SNW1: variants seen among roughly 807,000 people sequenced by gnomAD.
SNW1 encodes the protein SNW domain-containing protein 1.
SNW1 carries 9 observed loss-of-function variants against 75.6 expected under a neutral mutation model. The ratio of observed to expected loss-of-function variants is 0.12; its 90% CI spans 0.07 to 0.21. The LOEUF (loss-of-function observed/expected upper bound fraction) is 0.21. SNW1 is among the 10% of genes least tolerant of loss of function. The pLI is 1.00. For synonymous variants in SNW1, 200 were observed against 219.1 expected, an observed-to-expected ratio of 0.91 and a Z score of 0.77; for missense variants, 409 against 670.9, an observed-to-expected ratio of 0.61 and a Z score of 4.31.
At chr14:77,758,128 G>A (rs990524278) in intron 1 of SNW1, among the ~76,000 whole-genome samples, 5 of 151,866 alleles carry the variant, frequency 3.3e-5, no homozygotes, top group East Asian at 3.9e-4. Flanking sequence ...CCAGGAGTTC[G>A]AGACCAGCCA....
At chr14:77,731,904 G>A (rs2080630269) in intron 9 of SNW1, among the ~76,000 whole-genome samples, 1 of 152,048 alleles carries the variant, frequency 6.6e-6, no homozygotes, top group Non-Finnish European at 1.5e-5. Context: ...TCCAGCTAAT[G>A]TTTGTATTTT....
At chr14:77,753,995 C>T (rs928186971) in intron 2 of SNW1, among the ~76,000 whole-genome samples, 3 of 151,612 alleles carry the variant, frequency 2.0e-5, no homozygotes, top group African/African-American at 4.8e-5. Context: ...TGTAAAGGAT[C>T]CTGAGTAATT....
At chr14:77,731,422 T>C (rs532919562) in intron 9 of SNW1, among the ~76,000 whole-genome samples, 1 of 152,298 alleles carries the variant, frequency 6.6e-6, no homozygotes, top group African/African-American at 2.4e-5. Context: ...AAGAACAAAA[T>C]TAAAGCCAGG....
At chr14:77,742,256 G>A (rs1324120857) in intron 3 of SNW1, among the ~76,000 whole-genome samples, 1 of 151,838 alleles carries the variant, frequency 6.6e-6, no homozygotes, top group Non-Finnish European at 1.5e-5. Flanking sequence ...GGCTGGTCTC[G>A]ATCTCCTGAC....
At chr14:77,754,595 A>T (rs1244433275) in intron 2 of SNW1, among the ~76,000 whole-genome samples, 2 of 152,188 alleles carry the variant, frequency 1.3e-5, no homozygotes, top group Admixed American at 1.3e-4. Context: ...ATGTGGTATT[A>T]TCGGAGGGGA....
intron 11 of SNW1, among the ~76,000 whole-genome samples, chr14:77,721,984 G>A (rs2080544855): frequency 6.6e-6 from 1 of 152,186 alleles, no homozygotes; most frequent in Admixed American, 6.6e-5. Context: ...CTGACCTCAA[G>A]TGATTCGCGT....
intron 12 of SNW1, 27 bp downstream of exon 12, chr14:77,720,684 C>T (rs1411671536): frequency 2.1e-6 from 3 of 1,414,192 alleles, no homozygotes; most frequent in Non-Finnish European, 3.0e-6. Flanking sequence ...CATCAACACA[C>T]ACAATATGCT....
rs577178138 is a variant in SNW1, at chr14:77,736,740, T to G, written c.638+231A>C. ...ATCCCCAAAAGTTTCTGCTTGCCCC[T>G]TGCCTATTCCTCTTGTCCCTCCCAT... On this transcript the variant is annotated intron_variant, in intron 6 of 13. Coordinates refer to ENST00000261531, the MANE Select transcript of SNW1 (RefSeq NM_012245.3). Among the ~76,000 whole-genome samples the G allele has an allele frequency of 1.3e-4, 20 of 152,208 alleles. No homozygotes were observed. In the South Asian group the frequency reaches 3.9e-3, roughly 30 times the overall value.
At chr14:77,735,081 T>G in intron 7 of SNW1, 69 bp from the exon 8 acceptor site, 8 of 1,176,990 alleles carry the variant, frequency 6.8e-6, no homozygotes, top group Non-Finnish European at 1.0e-5. Context: ...AGTATAATCT[T>G]TATCTTCAAA....
chr14:77,733,509 C>T (rs1239278684), intron 8 of SNW1, among the ~76,000 whole-genome samples: 1 of 151,902 alleles, frequency 6.6e-6, no homozygotes, highest in Non-Finnish European at 1.5e-5. Flanking sequence ...CTTTGGGAGG[C>T]CAAGGCAGGT....
At chr14:77,732,717 G>A (rs1453669510) in intron 8 of SNW1, 116 bp from the exon 9 acceptor site, 13 of 656,352 alleles carry the variant, frequency 2.0e-5, no homozygotes, top group Non-Finnish European at 3.5e-5. Context: ...CTGGCTGGAG[G>A]GCAGGGGTGC....
Position 77,732,542 on chromosome 14 carries a change from T to C in SNW1, c.834A>G (p.Val278=), listed in dbSNP as rs1395913390. 7 of 1,613,512 alleles carry C rather than the reference T, an allele frequency of 4.3e-6. No homozygotes were observed. Among genetic ancestry groups the C allele is most frequent in the Non-Finnish European group, 5.9e-6 (7 of 1,179,618 alleles). Residue 278 remains valine (V), a synonymous_variant, in exon 9 of 14, where the codon GTA becomes GTG. Transcript: ENST00000261531. ...ATTTGGCGAAATTTTCATTTATGTGTACTGTCTGTAGTCCTCTTCCATCAG... is the reference window on the plus strand; with the variant it reads ...ATTTGGCGAAATTTTCATTTATGTGCACTGTCTGTAGTCCTCTTCCATCAG... The part of the protein sequence containing the change: ...LAADGRGLQT[V]HINENFAKLA...
intron 10 of SNW1, among the ~76,000 whole-genome samples, chr14:77,728,070 A>G (rs1190044925): frequency 6.9e-6 from 1 of 145,390 alleles, no homozygotes; most frequent in Non-Finnish European, 1.5e-5. Context: ...AAAAAAAATT[A>G]GTGTAGAATC....
intron 2 of SNW1, among the ~76,000 whole-genome samples, chr14:77,753,192 G>A (rs1426256305): frequency 6.6e-6 from 1 of 152,140 alleles, no homozygotes; most frequent in Admixed American, 6.5e-5. Context: ...AAGTTGTTCT[G>A]TTTCACCAGG....
chr14:77,755,068 T>C lies in SNW1; in HGVS notation c.67A>G (p.Lys23Glu), dbSNP rs765440529. 6.2e-7 allele frequency: 1 copy of C among 1,612,988 alleles called. No individual in the cohort carries two copies. The stretch of plus-strand genomic sequence containing the variant: ...TGCCGTGATCTCTGGGATCTTGCCT[T>C]TTCTTCAGCCTCAAGCTGGTCCTGA... ...LSQDQLEAEE[K>E]ARSQRSRQTS... The change falls in exon 2 of 14, where the codon AAG becomes GAG. Residue 23 changes from lysine (K) to glutamate (E), a missense_variant. Lys to Glu is a moderately conservative substitution (Grantham distance 56). Around this residue, in one of 9 missense-constraint regions of SNW1, gnomAD observed 73 missense variants for 68.3 expected, o/e 1.07. Coordinates refer to ENST00000261531, the MANE Select transcript of SNW1 (RefSeq NM_012245.3).
chr14:77,757,913 T>A (rs1361517585), intron 1 of SNW1, among the ~76,000 whole-genome samples: 1 of 144,350 alleles, frequency 6.9e-6, no homozygotes, highest in African/African-American at 2.6e-5. Context: ...ATCAAATCAA[T>A]CTAATCATCT....
In SNW1 at chr14:77,733,737, C is replaced by T. The variant is rs1310472965; in HGVS notation, c.775-1136G>A. 1.1e-4 allele frequency among the ~76,000 whole-genome samples: 8 copies of T among 69,810 alleles called. No homozygotes were observed. In the East Asian group the frequency reaches 1.2e-3, roughly 11 times the overall value. The allele number at this position is 69,810 out of a possible 152,430, so 45.8% of individuals were successfully genotyped here. A position where few individuals can be genotyped will look rare whatever the true frequency, so the allele number is the denominator to read the frequency against. On this transcript the variant is annotated intron_variant, in intron 8 of 13. Transcript: ENST00000261531. ...TCCAGCCTGGGCAACAGAGCGAGAC[C>T]GTCTCAAAAAAAAAAAAAAAAAAAA...
chr14:77,744,135 CAAAA>C (rs11335114), intron 3 of SNW1, among the ~76,000 whole-genome samples: 6 of 121,738 alleles, frequency 4.9e-5, no homozygotes, highest in Admixed American at 8.4e-5. Context: ...GACTCCATCT[CAAAA>C]AAAAAAAAAA....
At chr14:77,761,086 G>A in intron 1 of SNW1, 28 bp downstream of exon 1, 4 of 1,614,228 alleles carry the variant, frequency 2.5e-6, no homozygotes, top group Non-Finnish European at 2.5e-6. Flanking sequence ...AGACCCTTCC[G>A]TATCGAGGAC....
Sources: gnomAD v4.1 joint callset for allele counts (sites outside exome capture counted in the v4.1 genomes callset) on GRCh38, gnomAD v4.1.1 for gene constraint, gnomAD v4.1.1 regional missense constraint, MANE v1.5 for transcripts, NCBI Gene and HGNC (gene_info 2026-07-23, HGNC 2026-07-21) for gene names.